CUL1: variants seen among roughly 807,000 people sequenced by gnomAD.
The protein encoded by CUL1 is cullin-1.
A neutral mutation model predicts 118.0 loss-of-function variants in CUL1; 24 were observed. The observed-to-expected ratio is 0.20, with a 90% CI of 0.15 to 0.29. The LOEUF (loss-of-function observed/expected upper bound fraction) is 0.29, where lower values mean the gene tolerates loss of function less well. Among genes scored for constraint, CUL1 ranks in the 10% least tolerant of loss-of-function variants. The probability of loss-of-function intolerance (pLI) is 1.00; values close to 1 mark genes in which losing one functional copy is unlikely to be tolerated. For missense variants in CUL1, 361 were observed against 933.8 expected, an observed-to-expected ratio of 0.39 and a Z score of 7.99; for synonymous variants, 332 against 340.4, an observed-to-expected ratio of 0.98 and a Z score of 0.27.
At chr7:148,748,330 T>C (rs1799367695) in intron 2 of CUL1, among the ~76,000 whole-genome samples, 1 of 150,666 alleles carries the variant, frequency 6.6e-6, no homozygotes, top group Non-Finnish European at 1.5e-5. Flanking sequence ...GAAACAAAGG[T>C]TGAAAATAAA....
chr7:148,710,997 C>T (rs1798034185), intron 1 of CUL1, among the ~76,000 whole-genome samples: 1 of 152,034 alleles, frequency 6.6e-6, no homozygotes, highest in Non-Finnish European at 1.5e-5. Context: ...TAGGTATGGC[C>T]AGATTGTTTT....
At chr7:148,711,904 T>G (rs1319455761) in intron 1 of CUL1, among the ~76,000 whole-genome samples, 6 of 152,210 alleles carry the variant, frequency 3.9e-5, no homozygotes, top group Admixed American at 6.5e-5. Context: ...ATAGCGTTTG[T>G]GGTTGACTAA....
intron 1 of CUL1, among the ~76,000 whole-genome samples, chr7:148,714,659 T>C (rs1798155265): frequency 6.6e-6 from 1 of 152,174 alleles, no homozygotes; most frequent in Admixed American, 6.5e-5. Context: ...TATTTTCTCA[T>C]TGCCATCTCG....
intron 1 of CUL1, among the ~76,000 whole-genome samples, chr7:148,701,307 A>G (rs1027620854): frequency 6.6e-6 from 1 of 152,140 alleles, no homozygotes; most frequent in African/African-American, 2.4e-5. Flanking sequence ...CGTCTCTCTC[A>G]TCCCTCCTTT....
At chr7:148,749,828 C>T (rs1371678975) in intron 2 of CUL1, among the ~76,000 whole-genome samples, 1 of 152,214 alleles carries the variant, frequency 6.6e-6, no homozygotes, top group African/African-American at 2.4e-5. Context: ...AAAAGCTAGG[C>T]CTCTTGTGCT....
At chr7:148,798,781 C>T in intron 20 of CUL1, 104 bp downstream of exon 20, 1 of 889,756 alleles carries the variant, frequency 1.1e-6, no homozygotes, top group Admixed American at 1.7e-5. Context: ...GGAGTGATTG[C>T]CAGATGAATG....
At chr7:148,746,553 T>C (rs1169171418) in intron 2 of CUL1, among the ~76,000 whole-genome samples, 2 of 152,202 alleles carry the variant, frequency 1.3e-5, no homozygotes, top group Non-Finnish European at 2.9e-5. Flanking sequence ...ACATACTTAG[T>C]GGCTCGGAGG....
chr7:148,736,971 G>C lies in CUL1; in HGVS notation c.140+6709G>C, dbSNP rs116315709. 4.8e-3 allele frequency among the ~76,000 whole-genome samples: 725 copies of C among 152,278 alleles called. 8 individuals carry two copies. The highest frequency in any genetic ancestry group is 0.016 in the African/African-American group (681 of 41,544). ...ACTTCTATATGAGTTTTTAAAAATT[G>C]CTCTTCTTTGCCTTCTAGATTTTCG... On this transcript the variant is annotated intron_variant, in intron 2 of 21. Coordinates refer to ENST00000325222, the MANE Select transcript of CUL1 (RefSeq NM_003592.3).
At chr7:148,798,824 A>G in intron 20 of CUL1, 147 bp downstream of exon 20, 1 of 703,150 alleles carries the variant, frequency 1.4e-6, no homozygotes, top group Non-Finnish European at 2.6e-6. Context: ...CAAGGCCGAG[A>G]GCCAGGGCCT....
intron 1 of CUL1, among the ~76,000 whole-genome samples, chr7:148,716,133 A>G (rs1224557060): frequency 3.9e-5 from 6 of 152,080 alleles, no homozygotes; most frequent in Non-Finnish European, 8.8e-5. Context: ...TGGCTCCAAG[A>G]TGTTCTTCTA....
At chr7:148,758,571 G>A (rs1563161027) in intron 4 of CUL1, among the ~76,000 whole-genome samples, 1 of 152,098 alleles carries the variant, frequency 6.6e-6, no homozygotes, top group Admixed American at 6.5e-5. Flanking sequence ...GAGCCATGGT[G>A]GTACCACTGG....
rs190877516 is a variant in CUL1, at chr7:148,800,284, C to T, written c.2251-218C>T. Among the ~76,000 whole-genome samples the T allele has an allele frequency of 1.3e-5, 2 of 152,072 alleles. No homozygotes were observed. The highest frequency in any genetic ancestry group is 1.3e-4 in the Admixed American group (2 of 15,272). On this transcript the variant is annotated intron_variant, in intron 21 of 21. Transcript: ENST00000325222. This position sits in a 1 kb window ranked among gnomAD's most constrained non-coding sequence, Gnocchi z 4.6. Reference sequence around the variant, plus strand: ...TCCTAGGGCGGGTGCAGGAGGGACTCGGAGTCACCCTCAGCAAGTGTCAGG... The same window carrying T: ...TCCTAGGGCGGGTGCAGGAGGGACTTGGAGTCACCCTCAGCAAGTGTCAGG...
chr7:148,742,836 T>G (rs1371833038), intron 2 of CUL1, among the ~76,000 whole-genome samples: 1 of 152,142 alleles, frequency 6.6e-6, no homozygotes, highest in Admixed American at 6.5e-5. Context: ...ACTCCTGACC[T>G]CAAGTGATCC....
rs938032173 is a variant in CUL1, at chr7:148,713,762, C to T, written c.-162+14733C>T. On this transcript the variant is annotated intron_variant, in intron 1 of 21. Coordinates refer to ENST00000325222, the MANE Select transcript of CUL1 (RefSeq NM_003592.3). ...TTTTTGAGATGGAGTCTCATTCTGTCGCCTAGGCTAGAGTGCAGTGGTGCA... is the reference window on the plus strand; with the variant it reads ...TTTTTGAGATGGAGTCTCATTCTGTTGCCTAGGCTAGAGTGCAGTGGTGCA... Among the ~76,000 whole-genome samples the T allele has an allele frequency of 3.5e-4, 53 of 152,102 alleles. 1 individual carries two copies. Among genetic ancestry groups the T allele is most frequent in the African/African-American group, 1.1e-3 (46 of 41,398 alleles).
intron 8 of CUL1, among the ~76,000 whole-genome samples, chr7:148,767,403 T>G (rs969871992): frequency 6.6e-6 from 1 of 152,106 alleles, no homozygotes; most frequent in African/African-American, 2.4e-5. Flanking sequence ...ATAGTAAATT[T>G]ATAGTAAATA....
intron 15 of CUL1, 54 bp from the exon 16 acceptor site, chr7:148,790,255 TG>T (rs1412837759): frequency 1.3e-6 from 2 of 1,590,124 alleles, no homozygotes; most frequent in African/African-American, 2.7e-5. Flanking sequence ...TTAGAAACGC[TG>T]CCTGTAGGAT....
At chr7:148,710,642 A>G (rs1798020340) in intron 1 of CUL1, among the ~76,000 whole-genome samples, 1 of 151,834 alleles carries the variant, frequency 6.6e-6, no homozygotes. Context: ...AGCTGATGCT[A>G]CAGGTTTTAC....
At chr7:148,742,852 C>T (rs1033106975) in intron 2 of CUL1, among the ~76,000 whole-genome samples, 5 of 152,252 alleles carry the variant, frequency 3.3e-5, no homozygotes, top group South Asian at 4.2e-4. Context: ...GATCCACCTC[C>T]CTCAGCCTCC....
chr7:148,798,689 G>T lies in CUL1; in HGVS notation c.2136+12G>T. ...AACTACTGATTCAGGTGACTTATCTGTATGCCTGTGCCAGGTGTGCTGTCC... is the reference window on the plus strand; with the variant it reads ...AACTACTGATTCAGGTGACTTATCTTTATGCCTGTGCCAGGTGTGCTGTCC... On this transcript the variant is annotated intron_variant, in intron 20 of 21. Transcript: ENST00000325222. 2 of 1,605,572 alleles carry T rather than the reference G, an allele frequency of 1.2e-6. No individual in the cohort carries two copies. The highest frequency in any genetic ancestry group is 1.7e-6 in the Non-Finnish European group (2 of 1,172,298).
Sources: gnomAD v4.1 joint callset for allele counts (sites outside exome capture counted in the v4.1 genomes callset) on GRCh38, gnomAD v4.1.1 for gene constraint, Gnocchi (gnomAD v3.1) non-coding constraint, MANE v1.5 for transcripts, NCBI Gene and HGNC (gene_info 2026-07-23, HGNC 2026-07-21) for gene names.